Variants in ZBTB20 observed in about 807,000 individuals in gnomAD.
ZBTB20 encodes the protein zinc finger and BTB domain-containing protein 20.
In ZBTB20, 9 loss-of-function variants were observed where a neutral mutation model predicts 56.9. The observed-to-expected ratio is 0.16, with a 90% CI of 0.10 to 0.28. The LOEUF (loss-of-function observed/expected upper bound fraction) is 0.28. Ranked by LOEUF, ZBTB20 falls within the 10% of genes least tolerant of loss-of-function variation. The pLI, the probability that ZBTB20 is intolerant of heterozygous loss-of-function variation, is 1.00. For missense variants in ZBTB20, 655 were observed against 1,003.0 expected (o/e 0.65, Z 4.69); for synonymous variants, 417 against 420.7 (o/e 0.99, Z 0.11).
chr3:114,902,374 A>T (rs1049115406), intron 3 of ZBTB20, among the ~76,000 whole-genome samples: 1 of 152,182 alleles, frequency 6.6e-6, no homozygotes, highest in Non-Finnish European at 1.5e-5. Flanking sequence ...ATAAATTAGG[A>T]CACACCTTAC....
intron 4 of ZBTB20, among the ~76,000 whole-genome samples, chr3:114,834,111 C>G (rs2073997821): frequency 6.6e-6 from 1 of 152,090 alleles, no homozygotes; most frequent in South Asian, 2.1e-4. Flanking sequence ...CAAATAGCTA[C>G]TGAAAAGACC....
intron 4 of ZBTB20, among the ~76,000 whole-genome samples, chr3:114,847,932 A>G (rs2074799141): frequency 6.6e-6 from 1 of 152,200 alleles, no homozygotes; most frequent in South Asian, 2.1e-4. Flanking sequence ...AATACTTTCT[A>G]GCTTTCAGGA....
chr3:114,735,464 G>C (rs1560186279), intron 5 of ZBTB20, among the ~76,000 whole-genome samples: 1 of 151,966 alleles, frequency 6.6e-6, no homozygotes, highest in African/African-American at 2.4e-5. Context: ...GCCCAAACTA[G>C]ATTTTATATA....
intron 6 of ZBTB20, among the ~76,000 whole-genome samples, chr3:114,678,994 C>T (rs1428237162): frequency 6.6e-6 from 1 of 152,018 alleles, no homozygotes; most frequent in East Asian, 1.9e-4. Context: ...GAGGTAAGGT[C>T]CTAGGTGCTT....
chr3:114,990,765 T>C (rs2078768277), intron 2 of ZBTB20, among the ~76,000 whole-genome samples: 1 of 152,178 alleles, frequency 6.6e-6, no homozygotes, highest in Admixed American at 6.5e-5. Context: ...GGCTATTAAT[T>C]ATTGCCTCAA....
In ZBTB20 at chr3:114,351,475, G is replaced by C; in HGVS notation, c.603C>G (p.Phe201Leu). Residue 201 changes from phenylalanine to leucine, a missense_variant, in exon 11 of 12, where the codon TTC (phenylalanine) becomes TTG (leucine). Physicochemically the swap from Phe to Leu is conservative, Grantham distance 22 (BLOSUM62 0). Transcript: ENST00000675478. ...CCTGGCCCGAGTCCTGGATCCCCGG[G>C]AACACATCGCCCACGTTCTGTGACA... is the stretch of plus-strand genomic sequence containing the variant. ...RIVSQNVGDV[F>L]PGIQDSGQDT... is the part of the protein sequence containing the mutation. The C allele has an allele frequency of 6.2e-7, 1 of 1,613,866 alleles. No homozygotes were observed. The highest frequency in any genetic ancestry group is 1.1e-5 in the South Asian group (1 of 91,080).
At chr3:114,982,449 G>A (rs1268535776) in intron 2 of ZBTB20, among the ~76,000 whole-genome samples, 1 of 151,980 alleles carries the variant, frequency 6.6e-6, no homozygotes, top group Non-Finnish European at 1.5e-5. Flanking sequence ...TTGTAATGCA[G>A]GATTTGCTTT....
chr3:114,546,638 T>C (rs1025469589), intron 6 of ZBTB20, among the ~76,000 whole-genome samples: 2 of 151,462 alleles, frequency 1.3e-5, no homozygotes, highest in South Asian at 4.2e-4. Flanking sequence ...CATGAAGAAG[T>C]CAGCAAACAT....
rs771522006 is a variant in ZBTB20, at chr3:114,350,983, G to A, written c.1095C>T (p.Gly365=). ...ECTEDTDQAE[G]TESEPKGESF... ...TTTCACCTTTGGGCTCACTCTCGGT[G>A]CCCTCGGCCTGGTCTGTGTCTTCCG... The change falls in exon 11 of 12, where the codon GGC becomes GGT. Residue 365 remains glycine (G), a synonymous_variant. Transcript: ENST00000675478. 1 of 1,608,870 alleles carries A rather than the reference G, an allele frequency of 6.2e-7. No homozygotes were observed. Among genetic ancestry groups the A allele is most frequent in the East Asian group, 2.2e-5 (1 of 44,762 alleles).
At chr3:114,546,127 C>T (rs535625391) in intron 6 of ZBTB20, among the ~76,000 whole-genome samples, 11 of 152,308 alleles carry the variant, frequency 7.2e-5, no homozygotes, top group Middle Eastern at 3.4e-3. Flanking sequence ...TAGAGTAAAT[C>T]GGTACATCTT....
At chr3:114,878,774 T>C (rs375495744) in intron 4 of ZBTB20, among the ~76,000 whole-genome samples, 1 of 152,254 alleles carries the variant, frequency 6.6e-6, no homozygotes, top group Non-Finnish European at 1.5e-5. Flanking sequence ...TTAACAATTA[T>C]TGAAAACACA....
chr3:114,961,942 C>T (rs551187711), intron 3 of ZBTB20, among the ~76,000 whole-genome samples: 1 of 152,204 alleles, frequency 6.6e-6, no homozygotes, highest in Admixed American at 6.5e-5. Flanking sequence ...TTTCGTTCAT[C>T]CTCTGTCATC....
chr3:114,896,578 G>A (rs1421637071), intron 4 of ZBTB20, among the ~76,000 whole-genome samples: 1 of 152,052 alleles, frequency 6.6e-6, no homozygotes, highest in East Asian at 1.9e-4. Context: ...TAAAATGGTG[G>A]CTGCCAGAGG....
intron 6 of ZBTB20, among the ~76,000 whole-genome samples, chr3:114,652,484 G>A (rs1246471755): frequency 6.6e-6 from 1 of 151,770 alleles, no homozygotes; most frequent in East Asian, 1.9e-4. Context: ...TCTTTTTGAG[G>A]GCATTATTTT....
chr3:114,837,570 AGGTCTTCACACAGG>A (rs1481241258), intron 4 of ZBTB20, among the ~76,000 whole-genome samples: 7 of 152,180 alleles, frequency 4.6e-5, no homozygotes, highest in South Asian at 2.1e-4. Flanking sequence ...TCACATGTGA[AGGTCTTCACACAGG>A]GGTCTTCACA....
At chr3:114,928,209 A>AAGCATCT (rs1195640747) in intron 3 of ZBTB20, among the ~76,000 whole-genome samples, 8 of 152,294 alleles carry the variant, frequency 5.3e-5, no homozygotes, top group African/African-American at 1.9e-4. Context: ...TCCTGGCTGG[A>AAGCATCT]GTAGCTTTAT....
At chr3:114,774,911 A>G (rs2069472454) in intron 5 of ZBTB20, among the ~76,000 whole-genome samples, 3 of 152,106 alleles carry the variant, frequency 2.0e-5, no homozygotes, top group Admixed American at 2.0e-4. Context: ...TAGTGAATAA[A>G]AAAAAAGAAA....
chr3:114,878,027 C>T (rs1301627018), intron 4 of ZBTB20, among the ~76,000 whole-genome samples: 2 of 151,944 alleles, frequency 1.3e-5, no homozygotes, highest in Non-Finnish European at 2.9e-5. Context: ...TTAAAAGGGG[C>T]AAAAATTATT....
chr3:114,866,715 CTTT>C (rs951609363), intron 4 of ZBTB20, among the ~76,000 whole-genome samples: 9 of 151,562 alleles, frequency 5.9e-5, no homozygotes, highest in Admixed American at 1.3e-4. Context: ...TGGAACATTC[CTTT>C]TTTTTTCCTG....
Sources: allele counts gnomAD v4.1 joint callset (sites outside exome capture counted in the v4.1 genomes callset), GRCh38; gene constraint gnomAD v4.1.1; transcripts MANE v1.5; gene names NCBI Gene and HGNC (gene_info 2026-07-23, HGNC 2026-07-21).